Variants in VIPR1 observed in about 807,000 individuals in gnomAD.
VIPR1 encodes the protein vasoactive intestinal polypeptide receptor 1.
VIPR1 carries 59 observed loss-of-function variants against 58.8 expected under a neutral mutation model. The ratio of observed to expected loss-of-function variants is 1.00; its 90% CI spans 0.81 to 1.25. The LOEUF is 1.25. Among genes scored for constraint, VIPR1 ranks in the 50% most tolerant of loss-of-function variants. The pLI, the probability that VIPR1 is intolerant of heterozygous loss-of-function variation, is 0.00. For missense variants in VIPR1, 626 were observed against 602.7 expected (o/e 1.04, Z -0.40); for synonymous variants, 251 against 242.1 (o/e 1.04, Z -0.34).
intron 4 of VIPR1, among the ~76,000 whole-genome samples, 189 bp downstream of exon 4, chr3:42,526,182 G>A (rs983136710): frequency 6.6e-6 from 1 of 152,222 alleles, no homozygotes; most frequent in African/African-American, 2.4e-5. Flanking sequence ...GACAGGGTAT[G>A]GGAGGAGGCT....
chr3:42,531,293 C>T lies in VIPR1; in HGVS notation c.791-178C>T, dbSNP rs561324134. ...AGCCCTTCAGGCATACAGCTTCACC[C>T]CCTCAGTGGAGCATCCCTCCGTGGT... On this transcript the variant is annotated intron_variant, in intron 7 of 12. Coordinates refer to ENST00000325123, the MANE Select transcript of VIPR1 (RefSeq NM_004624.4). 6.0e-6 allele frequency: 4 copies of T among 669,830 alleles called. No individual in the cohort carries two copies. The East Asian group carries it at 8.2e-5, about 14-fold the overall frequency. The allele number at this position is 669,830 out of a possible 1,614,324, so 41.5% of individuals were successfully genotyped here.
chr3:42,513,518 A>G (rs1487964777), intron 1 of VIPR1: 5 of 506,000 alleles, frequency 9.9e-6, no homozygotes, highest in Non-Finnish European at 1.8e-5. Flanking sequence ...CTGCAGCACT[A>G]ATGGGGGAGC....
chr3:42,518,382 C>T (rs539031118), intron 2 of VIPR1, among the ~76,000 whole-genome samples: 4 of 152,258 alleles, frequency 2.6e-5, no homozygotes, highest in Non-Finnish European at 4.4e-5. Context: ...ATACAATCTT[C>T]CCTCCCTTTT....
chr3:42,497,367 T>C (rs1415489751), intron 1 of VIPR1, among the ~76,000 whole-genome samples: 2 of 152,184 alleles, frequency 1.3e-5, no homozygotes, highest in Admixed American at 6.5e-5. Context: ...CTCAGACCCC[T>C]GGCTGGAAGT....
At position 42,525,912 on chromosome 3, in the gene VIPR1, C is replaced by T. The variant is rs780417663; in HGVS notation, c.318C>T (p.Thr106=). The T allele has an allele frequency of 3.1e-6, 5 of 1,613,068 alleles. No homozygotes were observed. Among genetic ancestry groups the T allele is most frequent in the South Asian group, 1.1e-5 (1 of 90,736 alleles). The change falls in exon 4 of 13, where the codon ACC becomes ACT. Residue 106 remains threonine (T), a synonymous_variant. Coordinates refer to ENST00000325123, the MANE Select transcript of VIPR1 (RefSeq NM_004624.4). ...IQGRNVSRSC[T]DEGWTHLEPG... ...GCCGCAATGTAAGCCGCAGCTGCAC[C>T]GACGAAGGCTGGACGCACCTGGAGC...
intron 6 of VIPR1, chr3:42,529,573 T>G (rs1038016952): frequency 2.6e-5 from 4 of 151,938 alleles, no homozygotes; most frequent in Non-Finnish European, 4.4e-5. Flanking sequence ...GAGGAAGGAC[T>G]TTCCAACCAA....
chr3:42,502,661 C>A lies in VIPR1; in HGVS notation c.-75C>A, dbSNP rs1699917765. 2.6e-6 allele frequency: 3 copies of A among 1,133,118 alleles called. No homozygotes were observed. Among genetic ancestry groups the A allele is most frequent in the Non-Finnish European group, 3.4e-6 (3 of 894,432 alleles). 70.2% of individuals were successfully genotyped at this position (1,133,118 alleles called of 1,614,324 possible). On this transcript the variant is annotated 5_prime_UTR_variant, in exon 1 of 13. Coordinates refer to ENST00000325123, the MANE Select transcript of VIPR1 (RefSeq NM_004624.4). ...CAGCGCCACTCTGCCAGGCTCCCGG[C>A]CATCGCCCGCCTGGTGCGCCGCCCG...
chr3:42,504,643 A>C lies in VIPR1; in HGVS notation c.78+1830A>C, dbSNP rs142983649. On this transcript the variant is annotated intron_variant, in intron 1 of 12. Coordinates refer to ENST00000325123, the MANE Select transcript of VIPR1 (RefSeq NM_004624.4). The stretch of plus-strand genomic sequence containing the variant: ...GACTCAACCAGGACTGGGTGAGGGC[A>C]GGCTGGAGTGAGGGGTCCCTATTTC... 2.6e-5 allele frequency among the ~76,000 whole-genome samples: 4 copies of C among 151,234 alleles called. No homozygotes were observed. The East Asian group carries it at 5.9e-4, about 22-fold the overall frequency.
intron 6 of VIPR1, chr3:42,530,449 T>C (rs1365378124): frequency 2.3e-5 from 6 of 256,958 alleles, no homozygotes; most frequent in Non-Finnish European, 3.8e-5. Context: ...TGATAGTGAA[T>C]GTCTAGTGGG....
rs1577264328 is a variant in VIPR1 at position 42,536,234 on chromosome 3, G to A, written c.1327G>A (p.Gly443Ser). ...TTCCATGCTGACCCGCGTCAGCCCA[G>A]GTGCCCGCCGCTCCTCCAGCTTCCA... The part of the protein sequence containing the change: ...QVSMLTRVSP[G>S]ARRSSSFQAE... The change falls in exon 13 of 13, where the codon GGT becomes AGT. Residue 443 changes from glycine to serine, a missense_variant. Transcript: ENST00000325123. 1 of 1,575,694 alleles carries A rather than the reference G, an allele frequency of 6.3e-7. No homozygotes were observed. Among genetic ancestry groups the A allele is most frequent in the Non-Finnish European group, 8.6e-7 (1 of 1,164,726 alleles).
At chr3:42,534,274 G>T (rs1415902370) in intron 10 of VIPR1, 1 of 152,202 alleles carries the variant, frequency 6.6e-6, no homozygotes, top group African/African-American at 2.4e-5. Context: ...CTGGTGATCA[G>T]GTATGAACTT....
intron 2 of VIPR1, among the ~76,000 whole-genome samples, chr3:42,518,199 G>A (rs1053026352): frequency 6.6e-6 from 1 of 152,030 alleles, no homozygotes; most frequent in Non-Finnish European, 1.5e-5. Context: ...ACTAGATGTA[G>A]TCTGAAGGTT....
chr3:42,495,872 G>A (rs1337780621), intron 1 of VIPR1, among the ~76,000 whole-genome samples: 1 of 151,854 alleles, frequency 6.6e-6, no homozygotes, highest in Non-Finnish European at 1.5e-5. Context: ...CAACCTGACT[G>A]AACTTGGAAG....
At position 42,504,342 on chromosome 3, in the gene VIPR1, C is replaced by G. The variant is rs1435447193; in HGVS notation, c.78+1529C>G. 2.0e-5 allele frequency among the ~76,000 whole-genome samples: 3 copies of G among 152,146 alleles called. No individual in the cohort carries two copies. In the East Asian group the frequency reaches 5.8e-4, roughly 29 times the overall value. The stretch of plus-strand genomic sequence containing the variant: ...CACTTCTACTTCACACTTCCTGAGA[C>G]AGCCCAAATCTGTCTCCTCCCTCCA... On this transcript the variant is annotated intron_variant, in intron 1 of 12. Transcript: ENST00000325123.
intron 5 of VIPR1, 63 bp from the exon 6 acceptor site, chr3:42,527,911 TGCTCAGCACATAGGACA>T: frequency 1.9e-6 from 3 of 1,563,956 alleles, no homozygotes; most frequent in Non-Finnish European, 2.6e-6. Context: ...GCCCCACCCT[TGCTCAGCACATAGGACA>T]GCATTGGCTG....
intron 2 of VIPR1, among the ~76,000 whole-genome samples, chr3:42,514,572 C>T (rs62248804): frequency 1.3e-5 from 2 of 149,282 alleles, no homozygotes; most frequent in Non-Finnish European, 3.0e-5. Flanking sequence ...CACACACACA[C>T]ATACACACAC....
intron 2 of VIPR1, among the ~76,000 whole-genome samples, chr3:42,518,595 CG>C (rs1700749510): frequency 6.6e-6 from 1 of 152,100 alleles, no homozygotes; most frequent in Non-Finnish European, 1.5e-5. Context: ...AAAAATTAGC[CG>C]GGCGTGGCGG....
intron 2 of VIPR1, among the ~76,000 whole-genome samples, chr3:42,518,174 T>G (rs1487479509): frequency 6.6e-6 from 1 of 152,062 alleles, no homozygotes; most frequent in Admixed American, 6.6e-5. Flanking sequence ...CATGTACATA[T>G]TCAAGCATAA....
At chr3:42,514,325 A>G (rs967887901) in intron 2 of VIPR1, among the ~76,000 whole-genome samples, 3 of 152,100 alleles carry the variant, frequency 2.0e-5, no homozygotes, top group Non-Finnish European at 4.4e-5. Flanking sequence ...CTCCAGAGGA[A>G]GAAGAGGCAC....
Sources: allele counts gnomAD v4.1 joint callset (sites outside exome capture counted in the v4.1 genomes callset), GRCh38; gene constraint gnomAD v4.1.1; transcripts MANE v1.5; gene names NCBI Gene and HGNC (gene_info 2026-07-23, HGNC 2026-07-21).